CRIM1: variants seen among roughly 807,000 people sequenced by gnomAD.
CRIM1 encodes the protein cysteine rich transmembrane BMP regulator 1.
In CRIM1, 32 loss-of-function variants were observed where a neutral mutation model predicts 116.4. The observed-to-expected ratio is 0.27, with a 90% CI of 0.21 to 0.37. CRIM1 has a LOEUF of 0.37. CRIM1 is among the 10% of genes least tolerant of loss of function. The pLI is 1.00. For missense variants in CRIM1, 1,331 were observed against 1,354.8 expected, an observed-to-expected ratio of 0.98 and a Z score of 0.28; for synonymous variants, 590 against 509.2, an observed-to-expected ratio of 1.16 and a Z score of -2.13.
chr2:36,489,908 G>A (rs971723466), intron 7 of CRIM1, among the ~76,000 whole-genome samples: 1 of 152,168 alleles, frequency 6.6e-6, no homozygotes, highest in Non-Finnish European at 1.5e-5. Context: ...CATAGACATA[G>A]TCAAAATGTA....
intron 1 of CRIM1, among the ~76,000 whole-genome samples, chr2:36,375,906 T>C (rs1219165701): frequency 6.6e-6 from 1 of 152,196 alleles, no homozygotes; most frequent in Admixed American, 6.5e-5. Context: ...TCAGCAAGCA[T>C]GTAAAATAAA....
intron 1 of CRIM1, among the ~76,000 whole-genome samples, chr2:36,376,725 A>G (rs916313783): frequency 6.6e-6 from 1 of 152,156 alleles, no homozygotes. Flanking sequence ...GCATCTCAGA[A>G]TTCTTTGCTG....
At chr2:36,364,819 TG>T (rs1410641317) in intron 1 of CRIM1, among the ~76,000 whole-genome samples, 1 of 152,158 alleles carries the variant, frequency 6.6e-6, no homozygotes, top group African/African-American at 2.4e-5. Context: ...ATTACATAGA[TG>T]TATATATAAG....
At chr2:36,412,411 C>T (rs532226816) in intron 2 of CRIM1, among the ~76,000 whole-genome samples, 1 of 152,224 alleles carries the variant, frequency 6.6e-6, no homozygotes, top group South Asian at 2.1e-4. Context: ...GAGAAGCCTC[C>T]ATATTTGGCC....
At chr2:36,403,643 C>T (rs541477899) in intron 2 of CRIM1, among the ~76,000 whole-genome samples, 3 of 151,974 alleles carry the variant, frequency 2.0e-5, no homozygotes, top group Non-Finnish European at 4.4e-5. Flanking sequence ...GATTGACTTT[C>T]GGGGATGAAG....
intron 2 of CRIM1, among the ~76,000 whole-genome samples, chr2:36,416,209 A>AAATAATAATAATAATAAT (rs70946929): frequency 9.3e-5 from 14 of 149,954 alleles, no homozygotes; most frequent in African/African-American, 2.9e-4. Flanking sequence ...TTTTGTCTCA[A>AAATAATAATAATAATAAT]AATAATAATA....
At chr2:36,456,190 C>A (rs999748824) in intron 4 of CRIM1, among the ~76,000 whole-genome samples, 1 of 152,100 alleles carries the variant, frequency 6.6e-6, no homozygotes, top group Non-Finnish European at 1.5e-5. Context: ...ATTGTGTTCT[C>A]ATTTGTGGTT....
At chr2:36,368,936 T>C (rs1669769920) in intron 1 of CRIM1, among the ~76,000 whole-genome samples, 1 of 152,216 alleles carries the variant, frequency 6.6e-6, no homozygotes, top group African/African-American at 2.4e-5. Flanking sequence ...CTTTCCATTT[T>C]AAAAAGATAA....
At chr2:36,485,701 AG>A (rs1334885613) in intron 7 of CRIM1, among the ~76,000 whole-genome samples, 1 of 152,236 alleles carries the variant, frequency 6.6e-6, no homozygotes, top group African/African-American at 2.4e-5. Context: ...CCCAAGAGGC[AG>A]TGAAGTCAAA....
At chr2:36,422,114 G>A (rs914680718) in intron 2 of CRIM1, among the ~76,000 whole-genome samples, 6 of 150,862 alleles carry the variant, frequency 4.0e-5, no homozygotes, top group African/African-American at 1.5e-4. Context: ...TGGCAGAATT[G>A]GGATACTAGA....
At position 36,546,321 on chromosome 2, in the gene CRIM1, A is replaced by C. The variant is rs555137750; in HGVS notation, c.2747-663A>C. Among the ~76,000 whole-genome samples, 5 of 152,284 alleles carry C rather than the reference A, an allele frequency of 3.3e-5. No homozygotes were observed. In the East Asian group the frequency reaches 7.7e-4, roughly 23 times the overall value. On this transcript the variant is annotated intron_variant, in intron 15 of 16. Coordinates refer to ENST00000280527, the MANE Select transcript of CRIM1 (RefSeq NM_016441.3). Reference sequence around the variant, plus strand: ...TGTAAGAGAGATATTTTAAAAGAACATAAAGGTCATCATTCATAAGTGCAA... The same window carrying C: ...TGTAAGAGAGATATTTTAAAAGAACCTAAAGGTCATCATTCATAAGTGCAA...
chr2:36,536,572 A>C (rs1218203517), intron 13 of CRIM1, among the ~76,000 whole-genome samples: 2 of 152,076 alleles, frequency 1.3e-5, no homozygotes, highest in Non-Finnish European at 2.9e-5. Context: ...TGTGTGCTAG[A>C]GGGAAATTTC....
intron 2 of CRIM1, among the ~76,000 whole-genome samples, chr2:36,412,290 T>A (rs755066724): frequency 5.6e-5 from 7 of 125,698 alleles, no homozygotes; most frequent in Non-Finnish European, 9.8e-5. Flanking sequence ...GCGCAGGGGG[T>A]GGGGGGCGCA....
intron 2 of CRIM1, among the ~76,000 whole-genome samples, chr2:36,431,903 A>G (rs1229828132): frequency 6.6e-6 from 1 of 152,210 alleles, no homozygotes; most frequent in East Asian, 1.9e-4. Context: ...ATTGTTGCAC[A>G]AAGGAAGAAC....
At chr2:36,428,261 A>G (rs559656445) in intron 2 of CRIM1, among the ~76,000 whole-genome samples, 73 of 152,312 alleles carry the variant, frequency 4.8e-4, no homozygotes, top group African/African-American at 1.3e-3. Context: ...CCCTTGGGCA[A>G]GTCATTTGGC....
rs1667575010 is a variant in CRIM1, at chr2:36,549,227, G to A, written c.*526G>A. On this transcript the variant is annotated 3_prime_UTR_variant, in exon 17 of 17. Coordinates refer to ENST00000280527, the MANE Select transcript of CRIM1 (RefSeq NM_016441.3). ...TTAGAACTACCAGACGAGCACATCAGAACCCTTTGACAGCCATCCCAGGTC... is the reference window on the plus strand; with the variant it reads ...TTAGAACTACCAGACGAGCACATCAAAACCCTTTGACAGCCATCCCAGGTC... 1 of 152,790 alleles carries A rather than the reference G, an allele frequency of 6.5e-6. No homozygotes were observed. Among genetic ancestry groups the A allele is most frequent in the Non-Finnish European group, 1.5e-5 (1 of 68,190 alleles). 9.5% of individuals were successfully genotyped at this position (152,790 alleles called of 1,614,324 possible).
chr2:36,370,337 A>T (rs1558506404), intron 1 of CRIM1, among the ~76,000 whole-genome samples: 1 of 152,168 alleles, frequency 6.6e-6, no homozygotes, highest in Non-Finnish European at 1.5e-5. Flanking sequence ...AAATAAGTAA[A>T]ATGAAAGAAG....
At chr2:36,416,163 G>C (rs893797822) in intron 2 of CRIM1, among the ~76,000 whole-genome samples, 1 of 152,002 alleles carries the variant, frequency 6.6e-6, no homozygotes, top group African/African-American at 2.4e-5. Context: ...AGCAGAGATC[G>C]TGCCACTGCA....
chr2:36,363,462 T>TA (rs1385769352), intron 1 of CRIM1, among the ~76,000 whole-genome samples: 2 of 148,028 alleles, frequency 1.4e-5, no homozygotes, highest in Non-Finnish European at 3.0e-5. Flanking sequence ...TCATTGATGG[T>TA]AAGCAGTTAA....
Sources: allele counts gnomAD v4.1 joint callset (sites outside exome capture counted in the v4.1 genomes callset), GRCh38; gene constraint gnomAD v4.1.1; transcripts MANE v1.5; gene names NCBI Gene and HGNC (gene_info 2026-07-23, HGNC 2026-07-21).